Variants in NUBPL observed in about 807,000 individuals in gnomAD.
NUBPL encodes iron-sulfur cluster transfer protein NUBPL.
Under a neutral mutation model 45.7 loss-of-function variants are expected in NUBPL, and 31 were observed. The observed-to-expected ratio is 0.68, with a 90% CI of 0.51 to 0.92. The LOEUF (loss-of-function observed/expected upper bound fraction) is 0.92, where lower values mean the gene tolerates loss of function less well. Among genes scored for constraint, NUBPL ranks in the 40% least tolerant of loss-of-function variants. The pLI is 0.00. For missense variants in NUBPL, 401 were observed against 398.7 expected, an observed-to-expected ratio of 1.01 and a Z score of -0.05; for synonymous variants, 144 against 140.9, an observed-to-expected ratio of 1.02 and a Z score of -0.15.
chr14:31,665,717 G>A (rs1352585995), intron 4 of NUBPL, among the ~76,000 whole-genome samples: 1 of 152,158 alleles, frequency 6.6e-6, no homozygotes, highest in African/African-American at 2.4e-5. Flanking sequence ...TTGATTTGGG[G>A]TGGAGAGTTC....
At chr14:31,810,895 A>G (rs1045327272) in intron 7 of NUBPL, among the ~76,000 whole-genome samples, 9 of 152,196 alleles carry the variant, frequency 5.9e-5, no homozygotes, top group African/African-American at 2.2e-4. Flanking sequence ...TTGGCTGGAT[A>G]TGAAATTCTG....
At position 31,732,129 on chromosome 14, in the gene NUBPL, G is replaced by A. The variant is rs188016004; in HGVS notation, c.514-55651G>A. Among the ~76,000 whole-genome samples the A allele has an allele frequency of 1.1e-4, 16 of 144,716 alleles. No homozygotes were observed. In the East Asian group the frequency reaches 3.3e-3, roughly 30 times the overall value. The allele number at this position is 144,716 out of a possible 152,430, so 94.9% of individuals were successfully genotyped here. A position where few individuals can be genotyped will look rare whatever the true frequency, so the allele number is the denominator to read the frequency against. On this transcript the variant is annotated intron_variant, in intron 6 of 10. Coordinates refer to ENST00000281081, the MANE Select transcript of NUBPL (RefSeq NM_025152.3). ...GAATGGCGTGAACCCAGGAGGCAGA[G>A]CTTGCAGTGAGCCGAGATCGCGCCA...
chr14:31,727,711 G>C (rs1203382387), intron 6 of NUBPL, among the ~76,000 whole-genome samples: 1 of 152,098 alleles, frequency 6.6e-6, no homozygotes, highest in African/African-American at 2.4e-5. Flanking sequence ...CCCCTTCCTA[G>C]TATTTACATT....
chr14:31,746,260 T>A (rs1448425297), intron 6 of NUBPL, among the ~76,000 whole-genome samples: 3 of 152,032 alleles, frequency 2.0e-5, no homozygotes, highest in Non-Finnish European at 4.4e-5. Context: ...CATCCTTGTC[T>A]TGTTCCAGTT....
At chr14:31,624,408 T>C (rs2035150991) in intron 4 of NUBPL, among the ~76,000 whole-genome samples, 1 of 152,130 alleles carries the variant, frequency 6.6e-6, no homozygotes, top group Admixed American at 6.5e-5. Context: ...GATATGTGTT[T>C]GGAATTAAGG....
chr14:31,739,253 T>TA (rs60492932), intron 6 of NUBPL, among the ~76,000 whole-genome samples: 26,235 of 73,488 alleles, frequency 0.36, 6,063 homozygotes, highest in African/African-American at 0.64. Flanking sequence ...TATATATATA[T>TA]TTTTTTTTTT....
At chr14:31,661,938 A>G (rs886195880) in intron 4 of NUBPL, 2 of 152,346 alleles carry the variant, frequency 1.3e-5, no homozygotes, top group South Asian at 2.1e-4. Flanking sequence ...AGTTGCCTCA[A>G]TGCTGCATCC....
intron 10 of NUBPL, among the ~76,000 whole-genome samples, chr14:31,856,831 A>G (rs191920824): frequency 3.6e-4 from 55 of 152,278 alleles, no homozygotes; most frequent in African/African-American, 1.2e-3. Flanking sequence ...GTAGTTTTGC[A>G]GAGTATAGCC....
chr14:31,649,074 CTGGG>C (rs1296100426), intron 4 of NUBPL, among the ~76,000 whole-genome samples: 1 of 152,196 alleles, frequency 6.6e-6, no homozygotes, highest in Non-Finnish European at 1.5e-5. Flanking sequence ...TCCCAAAGTG[CTGGG>C]ATTTACAGGC....
intron 6 of NUBPL, among the ~76,000 whole-genome samples, chr14:31,765,809 G>A (rs1250691394): frequency 6.6e-6 from 1 of 151,910 alleles, no homozygotes; most frequent in Non-Finnish European, 1.5e-5. Flanking sequence ...AAAGCATTTG[G>A]GCTAATTAAT....
intron 3 of NUBPL, among the ~76,000 whole-genome samples, chr14:31,582,958 C>T (rs1199249683): frequency 6.6e-6 from 1 of 152,136 alleles, no homozygotes; most frequent in East Asian, 1.9e-4. Context: ...GGAAACATGT[C>T]CTATAAATGG....
chr14:31,743,815 G>A (rs7154277), intron 6 of NUBPL, among the ~76,000 whole-genome samples: 24,357 of 152,182 alleles, frequency 0.16, 5,560 homozygotes, highest in African/African-American at 0.51. Context: ...TTGTGTGTGT[G>A]TGTGTGAGTG....
intron 6 of NUBPL, among the ~76,000 whole-genome samples, chr14:31,770,905 C>G (rs979401319): frequency 5.3e-5 from 8 of 152,150 alleles, no homozygotes; most frequent in Non-Finnish European, 1.2e-4. Flanking sequence ...GCTACAATTT[C>G]TCTCAGTTGA....
intron 6 of NUBPL, among the ~76,000 whole-genome samples, chr14:31,785,688 T>C (rs774539113): frequency 6.6e-6 from 1 of 152,188 alleles, no homozygotes; most frequent in Non-Finnish European, 1.5e-5. Flanking sequence ...GCATGTCTCC[T>C]TCACTAAATT....
intron 9 of NUBPL, among the ~76,000 whole-genome samples, chr14:31,848,628 C>T (rs1300191251): frequency 2.0e-5 from 3 of 152,204 alleles, no homozygotes; most frequent in Non-Finnish European, 2.9e-5. Context: ...AAATACTTCT[C>T]AGGCTCAGAC....
intron 8 of NUBPL, among the ~76,000 whole-genome samples, chr14:31,840,769 A>T (rs564217867): frequency 1.3e-5 from 2 of 152,156 alleles, no homozygotes; most frequent in South Asian, 4.2e-4. Context: ...GGCAGCAGGG[A>T]TTGGGGAAAT....
intron 3 of NUBPL, 75 bp from the exon 4 acceptor site, chr14:31,599,214 C>A: frequency 8.7e-7 from 1 of 1,146,032 alleles, no homozygotes. Context: ...TATGCTTCAC[C>A]TTTGAGAAGA....
At chr14:31,586,613 T>G in intron 3 of NUBPL, among the ~76,000 whole-genome samples, 1 of 152,316 alleles carries the variant, frequency 6.6e-6, no homozygotes, top group South Asian at 2.1e-4. Flanking sequence ...GTTCCCTTGT[T>G]TTTTATTTAC....
At position 31,599,392 on chromosome 14, in the gene NUBPL, G is replaced by A. The variant is rs2034365793; in HGVS notation, c.382+13G>A. The A allele has an allele frequency of 2.6e-6, 4 of 1,555,310 alleles. No individual in the cohort carries two copies. The highest frequency in any genetic ancestry group is 3.5e-6 in the Non-Finnish European group (4 of 1,127,972). ...GAATTATCACAGAGTAAGTAAAGAA[G>A]GGATAAATATTATAATAATAGTTGC... is the stretch of plus-strand genomic sequence containing the variant. On this transcript the variant is annotated intron_variant, in intron 4 of 10. Transcript: ENST00000281081.
Sources: allele counts gnomAD v4.1 joint callset (sites outside exome capture counted in the v4.1 genomes callset), GRCh38; gene constraint gnomAD v4.1.1; transcripts MANE v1.5; gene names NCBI Gene and HGNC (gene_info 2026-07-23, HGNC 2026-07-21).